PCLO: variants seen among roughly 807,000 people sequenced by gnomAD.
PCLO encodes protein piccolo.
In PCLO, 82 loss-of-function variants were observed where a neutral mutation model predicts 427.5. The ratio of observed to expected loss-of-function variants is 0.19; its 90% CI spans 0.16 to 0.23. The LOEUF is 0.23. Among genes scored for constraint, PCLO ranks in the 10% least tolerant of loss-of-function variants. The pLI is 1.00. For synonymous variants in PCLO, 2,357 were observed against 2,155.4 expected, an observed-to-expected ratio of 1.09 and a Z score of -2.59; for missense variants, 6,239 against 6,115.9, an observed-to-expected ratio of 1.02 and a Z score of -0.67.
At chr7:83,156,467 A>C (rs1792304391) in intron 1 of PCLO, 75 bp from the exon 2 acceptor site, 1 of 939,322 alleles carries the variant, frequency 1.1e-6, no homozygotes, top group South Asian at 2.0e-5. Flanking sequence ...TAATACAAAA[A>C]ACCTATTGCT....
chr7:83,151,761 G>C (rs1792136039), intron 2 of PCLO, among the ~76,000 whole-genome samples: 1 of 152,040 alleles, frequency 6.6e-6, no homozygotes, highest in Non-Finnish European at 1.5e-5. Context: ...TCCTACCATA[G>C]GTAAACTGAT....
intron 3 of PCLO, among the ~76,000 whole-genome samples, chr7:83,025,913 T>C (rs1788481949): frequency 6.6e-6 from 1 of 151,932 alleles, no homozygotes; most frequent in Non-Finnish European, 1.5e-5. Context: ...CTGAGAGATT[T>C]TGTCACCACC....
At chr7:83,107,567 A>C (rs1790888940) in intron 3 of PCLO, among the ~76,000 whole-genome samples, 1 of 151,864 alleles carries the variant, frequency 6.6e-6, no homozygotes, top group Non-Finnish European at 1.5e-5. Flanking sequence ...AGATATACTC[A>C]GTTGAGTTTA....
At chr7:82,875,461 T>A (rs1272185949) in intron 10 of PCLO, among the ~76,000 whole-genome samples, 4 of 150,666 alleles carry the variant, frequency 2.7e-5, no homozygotes, top group Non-Finnish European at 5.9e-5. Flanking sequence ...TGAATAAAAA[T>A]CTTTTTTTCA....
chr7:83,024,311 G>A (rs141802162), intron 3 of PCLO, among the ~76,000 whole-genome samples: 3 of 152,168 alleles, frequency 2.0e-5, no homozygotes, highest in African/African-American at 7.2e-5. Flanking sequence ...AGGGGTCACC[G>A]AGTTCCCTTT....
At chr7:83,108,154 CA>C (rs1292425890) in intron 3 of PCLO, among the ~76,000 whole-genome samples, 1 of 151,948 alleles carries the variant, frequency 6.6e-6, no homozygotes, top group East Asian at 1.9e-4. Flanking sequence ...TGTGTTTGTG[CA>C]TACATGTGAG....
Position 82,757,388 on chromosome 7 carries a change from G to A in PCLO, c.*1187C>T, listed in dbSNP as rs2129467414. 1 of 152,000 alleles carries A rather than the reference G, an allele frequency of 6.6e-6. No homozygotes were observed. Among genetic ancestry groups the A allele is most frequent in the Middle Eastern group, 3.4e-3 (1 of 294 alleles). The allele number at this position is 152,000 out of a possible 1,614,324, so 9.4% of individuals were successfully genotyped here. A position where few individuals can be genotyped will look rare whatever the true frequency, so the allele number is the denominator to read the frequency against. ...TTTCACATATTTTCCCAACATTGAT[G>A]AACTTGATCACTGTGATACTGTCAC... On this transcript the variant is annotated 3_prime_UTR_variant, in exon 25 of 25. Transcript: ENST00000333891.
intron 3 of PCLO, among the ~76,000 whole-genome samples, chr7:83,023,061 AAATCT>A (rs1274002095): frequency 1.3e-5 from 2 of 152,324 alleles, no homozygotes; most frequent in African/African-American, 4.8e-5. Flanking sequence ...ATGTATAATC[AAATCT>A]AAGAACAGTT....
intron 10 of PCLO, among the ~76,000 whole-genome samples, chr7:82,862,473 C>T (rs1030682323): frequency 1.4e-5 from 2 of 146,336 alleles, no homozygotes; most frequent in African/African-American, 5.0e-5. Flanking sequence ...GAAGGGAAAT[C>T]AGTTTATTGA....
intron 2 of PCLO, among the ~76,000 whole-genome samples, chr7:83,137,553 C>T (rs1343035858): frequency 6.6e-6 from 1 of 152,120 alleles, no homozygotes; most frequent in African/African-American, 2.4e-5. Context: ...GCCTCAGCCT[C>T]CCGGGTAGCT....
intron 4 of PCLO, among the ~76,000 whole-genome samples, chr7:82,959,818 T>A (rs77089203): frequency 0.025 from 3,775 of 152,212 alleles, 85 homozygotes; most frequent in Non-Finnish European, 0.039. Context: ...AACTTTTGCA[T>A]ATTATAAGGT....
At chr7:82,874,103 G>A (rs546742211) in intron 10 of PCLO, among the ~76,000 whole-genome samples, 3 of 151,808 alleles carry the variant, frequency 2.0e-5, no homozygotes, top group African/African-American at 4.8e-5. Context: ...CGCACATATC[G>A]TTTTATTTGC....
chr7:83,117,668 T>C (rs569137294), intron 3 of PCLO, among the ~76,000 whole-genome samples: 149 of 152,290 alleles, frequency 9.8e-4, no homozygotes, highest in African/African-American at 3.5e-3. Flanking sequence ...TAAGCCCATA[T>C]TGCATCACCC....
intron 10 of PCLO, among the ~76,000 whole-genome samples, chr7:82,875,080 A>T (rs999937306): frequency 3.3e-5 from 5 of 152,176 alleles, no homozygotes; most frequent in African/African-American, 1.2e-4. Context: ...GTGGCAAAAG[A>T]TTATTCTCTG....
At position 83,093,477 on chromosome 7, in the gene PCLO, GAT is replaced by G. The variant is rs766623004; in HGVS notation, c.3300+40771_3300+40772del. 2.8e-3 allele frequency among the ~76,000 whole-genome samples: 260 copies of G among 92,176 alleles called. 10 individuals carry two copies. The highest frequency in any genetic ancestry group is 0.018 in the Middle Eastern group (3 of 168). 60.5% of individuals were successfully genotyped at this position (92,176 alleles called of 152,430 possible). ...AAACATATATATGTGTGTGTGTATA[GAT>G]ATATATATATATATTTTTTTTTTTT... On this transcript the variant is annotated intron_variant, in intron 3 of 24. Coordinates refer to ENST00000333891, the MANE Select transcript of PCLO (RefSeq NM_033026.6).
intron 22 of PCLO, among the ~76,000 whole-genome samples, chr7:82,792,314 G>T (rs748058913): frequency 2.0e-5 from 3 of 151,290 alleles, no homozygotes; most frequent in Admixed American, 1.3e-4. Context: ...TATAACAAAA[G>T]GTTGAATAAT....
intron 22 of PCLO, among the ~76,000 whole-genome samples, chr7:82,768,419 T>C (rs1241779549): frequency 7.0e-6 from 1 of 143,360 alleles, no homozygotes; most frequent in Non-Finnish European, 1.5e-5. Flanking sequence ...TGAGACTCTG[T>C]CTCAAAAAAA....
Position 83,134,806 on chromosome 7 carries a change from GCATCAGTAATACTTC to G in PCLO, c.2729_2743del (p.Gly910_Asp914del). The stretch of plus-strand genomic sequence containing the variant: ...AGGAGTTGTAGGCTGTGATTTGGGG[GCATCAGTAATACTTC>G]CCAGATTCAGACTGAAACGCCTTGA... On this transcript the variant is annotated inframe_deletion, in exon 3 of 25. Coordinates refer to ENST00000333891, the MANE Select transcript of PCLO (RefSeq NM_033026.6). 6.2e-7 allele frequency: 1 copy of G among 1,613,814 alleles called. No homozygotes were observed. Among genetic ancestry groups the G allele is most frequent in the Non-Finnish European group, 8.5e-7 (1 of 1,179,828 alleles).
chr7:83,148,260 T>C (rs1258170465), intron 2 of PCLO, among the ~76,000 whole-genome samples: 1 of 152,184 alleles, frequency 6.6e-6, no homozygotes, highest in Non-Finnish European at 1.5e-5. Flanking sequence ...TTTCAGACTG[T>C]AATCACCCAA....
Sources: gnomAD v4.1 joint callset for allele counts (sites outside exome capture counted in the v4.1 genomes callset) on GRCh38, gnomAD v4.1.1 for gene constraint, MANE v1.5 for transcripts, NCBI Gene and HGNC (gene_info 2026-07-23, HGNC 2026-07-21) for gene names.